Variants in LRP12 observed in about 807,000 individuals in gnomAD.
The protein encoded by LRP12 is low-density lipoprotein receptor-related protein 12.
LRP12 carries 14 observed loss-of-function variants against 66.0 expected under a neutral mutation model. The ratio of observed to expected loss-of-function variants is 0.21; its 90% CI spans 0.14 to 0.33. The LOEUF is 0.33. Ranked by LOEUF, LRP12 falls within the 10% of genes least tolerant of loss-of-function variation. The probability of loss-of-function intolerance (pLI) is 1.00; values close to 1 mark genes in which losing one functional copy is unlikely to be tolerated. For synonymous variants in LRP12, 357 were observed against 359.1 expected, an observed-to-expected ratio of 0.99 and a Z score of 0.07; for missense variants, 889 against 1,053.4, an observed-to-expected ratio of 0.84 and a Z score of 2.16.
At position 104,563,591 on chromosome 8, in the gene LRP12, C is replaced by G. The variant is rs180823304; in HGVS notation, c.79+25228G>C. ...ATTCATATGGTTGAAATCCTAACTC[C>G]TAAGGTTATAGTATTAGGAGGTGGA... On this transcript the variant is annotated intron_variant, in intron 1 of 6. Coordinates refer to ENST00000276654, the MANE Select transcript of LRP12 (RefSeq NM_013437.5). 3.9e-3 allele frequency among the ~76,000 whole-genome samples: 599 copies of G among 152,156 alleles called. 7 individuals are homozygous for G. Among genetic ancestry groups the G allele is most frequent in the South Asian group, 0.021 (99 of 4,816 alleles).
intron 1 of LRP12, among the ~76,000 whole-genome samples, chr8:104,548,183 A>AAT (rs1488264048): frequency 5.2e-5 from 5 of 95,590 alleles, no homozygotes; most frequent in Admixed American, 1.5e-4. Context: ...TATAATATAT[A>AAT]ATATATATAT....
intron 2 of LRP12, among the ~76,000 whole-genome samples, chr8:104,511,505 C>T (rs901915594): frequency 1.3e-5 from 2 of 152,018 alleles, no homozygotes; most frequent in Non-Finnish European, 2.9e-5. Flanking sequence ...AGCATGCCAC[C>T]ATGCATGGCA....
chr8:104,509,744 G>A (rs544313046), intron 2 of LRP12, among the ~76,000 whole-genome samples: 6 of 152,298 alleles, frequency 3.9e-5, no homozygotes, highest in African/African-American at 9.6e-5. Context: ...TCTAAGGTAA[G>A]AATGAATCTT....
intron 1 of LRP12, among the ~76,000 whole-genome samples, chr8:104,573,873 G>A (rs1234178447): frequency 1.3e-5 from 2 of 152,026 alleles, no homozygotes; most frequent in African/African-American, 2.4e-5. Flanking sequence ...AGCTAAGACT[G>A]ACTATGGACT....
Position 104,589,004 on chromosome 8 carries a change from A to T in LRP12, c.-107T>A, listed in dbSNP as rs1372461261. On this transcript the variant is annotated 5_prime_UTR_variant, in exon 1 of 7. Coordinates refer to ENST00000276654, the MANE Select transcript of LRP12 (RefSeq NM_013437.5). ...CCGCCGCCGCCGCCGCCGCCGAGCCACCGGCTGCTCCCTGCGCTCTCCGCG... is the reference window on the plus strand; with the variant it reads ...CCGCCGCCGCCGCCGCCGCCGAGCCTCCGGCTGCTCCCTGCGCTCTCCGCG... The T allele has an allele frequency of 3.8e-6, 2 of 520,664 alleles. No homozygotes were observed. The highest frequency in any genetic ancestry group is 5.3e-5 in the East Asian group (1 of 19,024). The allele number at this position is 520,664 out of a possible 1,614,324, so 32.3% of individuals were successfully genotyped here.
chr8:104,521,161 G>T (rs191623941), intron 2 of LRP12, among the ~76,000 whole-genome samples: 101 of 151,932 alleles, frequency 6.6e-4, no homozygotes, highest in African/African-American at 2.2e-3. Context: ...AATATGTACA[G>T]ATATATACTT....
chr8:104,505,545 G>A (rs554176163), intron 3 of LRP12: 2 of 151,800 alleles, frequency 1.3e-5, no homozygotes, highest in East Asian at 2.0e-4. Flanking sequence ...TAGGATTATA[G>A]GCGCGTGCCA....
chr8:104,588,074 T>C (rs908430406), intron 1 of LRP12, among the ~76,000 whole-genome samples: 9 of 152,236 alleles, frequency 5.9e-5, no homozygotes, highest in African/African-American at 2.2e-4. Context: ...GAGTTATCTC[T>C]AACCCGATCC....
chr8:104,587,670 C>T (rs1178852265), intron 1 of LRP12, among the ~76,000 whole-genome samples: 1 of 152,160 alleles, frequency 6.6e-6, no homozygotes, highest in East Asian at 1.9e-4. Flanking sequence ...ACATTCAATT[C>T]CGTAGATAAA....
At chr8:104,567,076 A>G (rs1477369172) in intron 1 of LRP12, among the ~76,000 whole-genome samples, 1 of 152,172 alleles carries the variant, frequency 6.6e-6, no homozygotes, top group East Asian at 1.9e-4. Flanking sequence ...GTTTACAAAT[A>G]AAAACAAGGA....
At chr8:104,505,243 T>C (rs1246549754) in intron 3 of LRP12, 3 of 151,862 alleles carry the variant, frequency 2.0e-5, no homozygotes, top group African/African-American at 7.3e-5. Flanking sequence ...TGGTGTCGAA[T>C]TCCTGAGCCT....
intron 2 of LRP12, among the ~76,000 whole-genome samples, chr8:104,515,282 T>C (rs896158608): frequency 1.3e-5 from 2 of 152,190 alleles, no homozygotes; most frequent in Non-Finnish European, 2.9e-5. Flanking sequence ...ATTTCAGCTA[T>C]GGTCTGGCTA....
chr8:104,580,299 G>A (rs1407430481), intron 1 of LRP12, among the ~76,000 whole-genome samples: 4 of 150,876 alleles, frequency 2.7e-5, no homozygotes, highest in African/African-American at 9.8e-5. Flanking sequence ...GGTGGATCAC[G>A]AGGTCAGGAG....
chr8:104,529,547 C>A (rs1811294560), intron 2 of LRP12, among the ~76,000 whole-genome samples: 1 of 152,098 alleles, frequency 6.6e-6, no homozygotes. Context: ...GTGGTCTAAT[C>A]ACAAGTAAAC....
intron 1 of LRP12, among the ~76,000 whole-genome samples, chr8:104,540,797 G>A (rs1346491029): frequency 4.6e-5 from 7 of 152,142 alleles, no homozygotes; most frequent in South Asian, 4.1e-4. Flanking sequence ...GCTGTGGCAC[G>A]ATCTCAGCTC....
intron 1 of LRP12, among the ~76,000 whole-genome samples, chr8:104,547,288 A>G (rs1811587434): frequency 2.2e-5 from 3 of 137,718 alleles, no homozygotes; most frequent in South Asian, 2.4e-4. Flanking sequence ...CAATTCTGTT[A>G]TATCATATTT....
chr8:104,526,286 C>G (rs1478674620), intron 2 of LRP12, among the ~76,000 whole-genome samples: 1 of 152,036 alleles, frequency 6.6e-6, no homozygotes. Flanking sequence ...AATGCCATCC[C>G]CATCAAGCTA....
At chr8:104,543,164 T>A (rs1047672374) in intron 1 of LRP12, among the ~76,000 whole-genome samples, 8 of 152,090 alleles carry the variant, frequency 5.3e-5, no homozygotes, top group Non-Finnish European at 1.0e-4. Context: ...CTTTGCTTTA[T>A]GATACTTTGC....
intron 1 of LRP12, among the ~76,000 whole-genome samples, chr8:104,538,040 A>T (rs1811414814): frequency 6.6e-6 from 1 of 152,200 alleles, no homozygotes; most frequent in Non-Finnish European, 1.5e-5. Context: ...TGCAACCAAA[A>T]GCCTTGATAT....
Sources: gnomAD v4.1 joint callset for allele counts (sites outside exome capture counted in the v4.1 genomes callset) on GRCh38, gnomAD v4.1.1 for gene constraint, MANE v1.5 for transcripts, NCBI Gene and HGNC (gene_info 2026-07-23, HGNC 2026-07-21) for gene names.